The following TLL1 variants were observed in gnomAD, a reference collection of about 807,000 sequenced individuals.
TLL1 encodes the protein tolloid-like protein 1.
A neutral mutation model predicts 128.2 loss-of-function variants in TLL1; 49 were observed. That is an observed-to-expected ratio of 0.38 (90% CI 0.30 to 0.48). The LOEUF (loss-of-function observed/expected upper bound fraction) is 0.48, where lower values mean the gene tolerates loss of function less well. Among genes scored for constraint, TLL1 ranks in the 20% least tolerant of loss-of-function variants. The pLI is 0.96. For synonymous variants in TLL1, 454 were observed against 418.8 expected, an observed-to-expected ratio of 1.08 and a Z score of -1.03; for missense variants, 1,123 against 1,242.0, an observed-to-expected ratio of 0.90 and a Z score of 1.44.
intron 14 of TLL1, 147 bp downstream of exon 14, chr4:166,057,456 T>G: frequency 8.0e-7 from 1 of 1,255,008 alleles, no homozygotes; most frequent in South Asian, 1.3e-5. Flanking sequence ...CAGTCACAGC[T>G]GATGTGAAAC....
chr4:165,979,642 G>A (rs914934485), intron 1 of TLL1, among the ~76,000 whole-genome samples: 6 of 152,038 alleles, frequency 3.9e-5, no homozygotes, highest in African/African-American at 7.2e-5. Flanking sequence ...TAAAAAATTT[G>A]CCAGGCATGG....
chr4:165,977,703 C>T (rs1735953228), intron 1 of TLL1, among the ~76,000 whole-genome samples: 1 of 152,082 alleles, frequency 6.6e-6, no homozygotes, highest in African/African-American at 2.4e-5. Context: ...CTTGGAAAAG[C>T]TTCTTCAATG....
chr4:166,026,670 A>G (rs190907993), intron 9 of TLL1, among the ~76,000 whole-genome samples: 90 of 152,190 alleles, frequency 5.9e-4, no homozygotes, highest in Middle Eastern at 6.8e-3. Context: ...CTGGACGATA[A>G]GAGCGAAACT....
intron 16 of TLL1, among the ~76,000 whole-genome samples, chr4:166,070,288 C>G (rs1258985532): frequency 6.6e-6 from 1 of 151,770 alleles, no homozygotes; most frequent in Non-Finnish European, 1.5e-5. Context: ...AGTTTCTTTT[C>G]TTTAAATGAG....
At chr4:165,918,703 G>A (rs1311828455) in intron 1 of TLL1, among the ~76,000 whole-genome samples, 2 of 151,888 alleles carry the variant, frequency 1.3e-5, no homozygotes, top group Non-Finnish European at 2.9e-5. Flanking sequence ...CCTCTCCCAC[G>A]ATGCTATCAT....
Position 165,912,418 on chromosome 4 carries a change from G to A in TLL1, c.169+38345G>A, listed in dbSNP as rs118018417. Among the ~76,000 whole-genome samples the A allele has an allele frequency of 2.5e-3, 375 of 152,238 alleles. 2 individuals carry two copies. The East Asian group carries it at 0.044, about 18-fold the overall frequency. On this transcript the variant is annotated intron_variant, in intron 1 of 20. Transcript: ENST00000061240. The stretch of plus-strand genomic sequence containing the variant: ...CTAAAACTTGATTTGGTTTGCTTAC[G>A]GTTCTGGTTTCCTACTCAGTGTCCG...
At chr4:166,059,931 T>C in intron 14 of TLL1, 97 bp from the exon 15 acceptor site, 1 of 1,426,154 alleles carries the variant, frequency 7.0e-7, no homozygotes, top group East Asian at 2.3e-5. Flanking sequence ...TAGTTGAAAT[T>C]TAGTGCTGAG....
At chr4:165,960,812 G>C (rs1735061007) in intron 1 of TLL1, among the ~76,000 whole-genome samples, 1 of 151,936 alleles carries the variant, frequency 6.6e-6, no homozygotes, top group Non-Finnish European at 1.5e-5. Flanking sequence ...ACATGTCTCA[G>C]AATAATAAGA....
chr4:165,916,793 G>A lies in TLL1; in HGVS notation c.169+42720G>A, dbSNP rs73860887. On this transcript the variant is annotated intron_variant, in intron 1 of 20. Coordinates refer to ENST00000061240, the MANE Select transcript of TLL1 (RefSeq NM_012464.5). ...AAAAAATCTTCAGAGAACTGGTTCT[G>A]CTGCCTGTCTATACATTCCGATTTT... Among the ~76,000 whole-genome samples, 391 of 152,222 alleles carry A rather than the reference G, an allele frequency of 2.6e-3. 2 individuals carry two copies. Among genetic ancestry groups the A allele is most frequent in the African/African-American group, 8.7e-3 (363 of 41,534 alleles).
chr4:165,880,887 G>A (rs557606412), intron 1 of TLL1, among the ~76,000 whole-genome samples: 1 of 152,286 alleles, frequency 6.6e-6, no homozygotes, highest in African/African-American at 2.4e-5. Context: ...CCGGGTTGCT[G>A]CTGTAAGTGT....
intron 1 of TLL1, among the ~76,000 whole-genome samples, chr4:165,912,449 C>T (rs1448816718): frequency 6.6e-6 from 1 of 152,194 alleles, no homozygotes; most frequent in Non-Finnish European, 1.5e-5. Context: ...GTCCGTGACC[C>T]ATGTGAACAG....
chr4:165,971,403 C>T (rs1735622697), intron 1 of TLL1, among the ~76,000 whole-genome samples: 1 of 152,206 alleles, frequency 6.6e-6, no homozygotes, highest in African/African-American at 2.4e-5. Context: ...AGACGTATTA[C>T]TCCATTCCCA....
chr4:166,005,525 G>T (rs1055598852), intron 6 of TLL1, among the ~76,000 whole-genome samples: 2 of 151,794 alleles, frequency 1.3e-5, no homozygotes, highest in African/African-American at 4.8e-5. Context: ...ATAATTTGAA[G>T]AATGGTGAAG....
chr4:165,947,350 C>T lies in TLL1; in HGVS notation c.170-42031C>T, dbSNP rs149342580. On this transcript the variant is annotated intron_variant, in intron 1 of 20. Transcript: ENST00000061240. ...GCCACATTGGATGTTAGGGCTTCAA[C>T]GTATTACTTTCCTTGGCTGGGGTCA... Among the ~76,000 whole-genome samples, 785 of 152,126 alleles carry T rather than the reference C, an allele frequency of 5.2e-3. 10 individuals carry two copies. Among genetic ancestry groups the T allele is most frequent in the African/African-American group, 0.017 (723 of 41,522 alleles).
At chr4:166,031,575 C>T in intron 9 of TLL1, among the ~76,000 whole-genome samples, 1 of 151,818 alleles carries the variant, frequency 6.6e-6, no homozygotes, top group Admixed American at 6.6e-5. Flanking sequence ...ACCATGTTGC[C>T]CAGGCTGGTC....
intron 6 of TLL1, among the ~76,000 whole-genome samples, chr4:166,006,370 G>A (rs200570458): frequency 6.6e-6 from 1 of 151,800 alleles, no homozygotes; most frequent in Admixed American, 6.6e-5. Flanking sequence ...AACAAAAATT[G>A]TTGTGTCATA....
At position 166,074,988 on chromosome 4, in the gene TLL1, C is replaced by A; in HGVS notation, c.2299C>A (p.His767Asn). ...RNGFVLHDNK[H>N]DCKEAECEQK... ...TGGATTTGTGCTACATGACAATAAA[C>A]ATGATTGCAAGGAAGGTATGGAACG... The change falls in exon 17 of 21, where the codon CAT becomes AAT. Residue 767 changes from histidine to asparagine, a missense_variant. Physicochemically the swap from His to Asn is moderately conservative, Grantham distance 68 (BLOSUM62 1). Transcript: ENST00000061240. The A allele has an allele frequency of 6.2e-7, 1 of 1,613,520 alleles. No individual in the cohort carries two copies. The highest frequency in any genetic ancestry group is 8.5e-7 in the Non-Finnish European group (1 of 1,179,548).
chr4:165,947,457 A>G (rs1318182739), intron 1 of TLL1, among the ~76,000 whole-genome samples: 2 of 152,064 alleles, frequency 1.3e-5, no homozygotes, highest in Non-Finnish European at 2.9e-5. Flanking sequence ...GGAAAGAGAT[A>G]AACTGAGGGG....
rs1200560413 is a variant in TLL1, at chr4:165,965,482, T to C, written c.170-23899T>C. On this transcript the variant is annotated intron_variant, in intron 1 of 20. Coordinates refer to ENST00000061240, the MANE Select transcript of TLL1 (RefSeq NM_012464.5). ...TCTTGGATTTTCTATCAGAGTCTTA[T>C]TGACTCTTTCTTAGCACAGTATTTT... 2.8e-4 allele frequency among the ~76,000 whole-genome samples: 42 copies of C among 152,198 alleles called. 2 individuals are homozygous for C. Among genetic ancestry groups the C allele is most frequent in the Admixed American group, 2.5e-3 (38 of 15,278 alleles).
Sources: gnomAD v4.1 joint callset for allele counts (sites outside exome capture counted in the v4.1 genomes callset) on GRCh38, gnomAD v4.1.1 for gene constraint, MANE v1.5 for transcripts, NCBI Gene and HGNC (gene_info 2026-07-23, HGNC 2026-07-21) for gene names.